The following ABCC8 variants were observed in gnomAD, a reference collection of about 807,000 sequenced individuals.
ABCC8 encodes the protein ATP-binding cassette sub-family C member 8.
ABCC8 carries 137 observed loss-of-function variants against 188.0 expected under a neutral mutation model. The ratio of observed to expected loss-of-function variants is 0.73; its 90% CI spans 0.63 to 0.84. The LOEUF is 0.84. ABCC8 is among the 40% of genes least tolerant of loss of function. ABCC8 has a pLI of 0.00. For missense variants in ABCC8, 1,750 were observed against 2,072.7 expected (o/e 0.84, Z 3.02); for synonymous variants, 797 against 846.5 (o/e 0.94, Z 1.01).
chr11:17,446,562 A>AGCCACCACACCC (rs1266479117), intron 8 of ABCC8, among the ~76,000 whole-genome samples: 1 of 152,184 alleles, frequency 6.6e-6, no homozygotes, highest in African/African-American at 2.4e-5. Context: ...TACAGGCATG[A>AGCCACCACACCC]GCCACCACAC....
intron 18 of ABCC8, among the ~76,000 whole-genome samples, 197 bp downstream of exon 18, chr11:17,415,107 G>A (rs1399602478): frequency 6.6e-6 from 1 of 151,176 alleles, no homozygotes; most frequent in Non-Finnish European, 1.5e-5. Flanking sequence ...ATGATCTTAT[G>A]TGAAGGGAGT....
chr11:17,430,953 C>T lies in ABCC8; in HGVS notation c.1678G>A (p.Val560Met), dbSNP rs4148619. ...TCTTTGAAGAAGCTGACGTGGCCCA[C>T]GAAAGTCTGTGGACAGAGGCACAAG... ...IPIAAVLITF[V>M]GHVSFFKEAD... Residue 560 changes from valine (V) to methionine (M), a missense_variant, in exon 12 of 39, where the codon GTG becomes ATG. By Grantham distance (21) the Val-to-Met change is conservative. Transcript: ENST00000389817. 560 of 1,614,080 alleles carry T rather than the reference C, an allele frequency of 3.5e-4. 1 individual carries two copies. The East Asian group carries it at 0.012, about 34-fold the overall frequency.
chr11:17,450,337 TTTC>T (rs1956749444), intron 7 of ABCC8, among the ~76,000 whole-genome samples: 10 of 145,238 alleles, frequency 6.9e-5, no homozygotes, highest in African/African-American at 1.3e-4. Context: ...TCTCTCTCTC[TTTC>T]CTTTCTTTCT....
Position 17,408,457 on chromosome 11 carries a change from A to G in ABCC8, c.2755T>C (p.Ser919Pro). Residue 919 changes from serine (S) to proline (P), a missense_variant, in exon 23 of 39, where the codon TCT becomes CCT. Physicochemically the swap from Ser to Pro is moderately conservative, Grantham distance 74 (BLOSUM62 -1). Transcript: ENST00000389817. ...REGTLKDFQR[S>P]ECQLFEHWKT... The stretch of plus-strand genomic sequence containing the variant: ...CAGTGCTCAAAGAGCTGGCATTCAG[A>G]CCTCTGGAAGTCCTTGAGGGTACCC... 1 of 1,613,508 alleles carries G rather than the reference A, an allele frequency of 6.2e-7. No individual in the cohort carries two copies. The highest frequency in any genetic ancestry group is 8.5e-7 in the Non-Finnish European group (1 of 1,179,946).
chr11:17,475,766 G>A (rs140391194), intron 1 of ABCC8, among the ~76,000 whole-genome samples: 1 of 152,204 alleles, frequency 6.6e-6, no homozygotes, highest in Non-Finnish European at 1.5e-5. Flanking sequence ...CTTCCCCAAA[G>A]CTGTATATGA....
chr11:17,448,622 ATGGACAGGTTGGAGG>A lies in ABCC8; in HGVS notation c.1211_1225del (p.Thr404_Ser408del). On this transcript the variant is annotated inframe_deletion, in exon 8 of 39. Coordinates refer to ENST00000389817, the MANE Select transcript of ABCC8 (RefSeq NM_000352.6). The stretch of plus-strand genomic sequence containing the variant: ...GATCTGTCCAGCAGTCATTTCTCCC[ATGGACAGGTTGGAGG>A]TGGACAGGTGCATAATTTTATTGTA... The A allele has an allele frequency of 6.2e-7, 1 of 1,614,188 alleles. No homozygotes were observed. The highest frequency in any genetic ancestry group is 2.2e-5 in the East Asian group (1 of 44,880).
chr11:17,407,547 T>C, intron 23 of ABCC8, 94 bp from the exon 24 acceptor site: 1 of 1,579,984 alleles, frequency 6.3e-7, no homozygotes. Flanking sequence ...TGATGACCAA[T>C]GTCAGATTTC....
chr11:17,393,298 T>C, intron 38 of ABCC8, 170 bp from the exon 39 acceptor site: 1 of 893,110 alleles, frequency 1.1e-6, no homozygotes, highest in Non-Finnish European at 1.7e-6. Context: ...GACTACAAGC[T>C]CTCCATCTGC....
intron 6 of ABCC8, among the ~76,000 whole-genome samples, chr11:17,454,209 A>AG (rs1283315978): frequency 1.3e-5 from 2 of 152,122 alleles, no homozygotes; most frequent in African/African-American, 4.8e-5. Context: ...AATCAGAATC[A>AG]GGCAGAGAGG....
chr11:17,427,313 C>A lies in ABCC8; in HGVS notation c.2117-159G>T, dbSNP rs185939269. ...AAGTCCTCTCCCTCTTTAATCCTTT[C>A]CTTCTGGAAATCAACATCCTCCTCT... is the stretch of plus-strand genomic sequence containing the variant. On this transcript the variant is annotated intron_variant, in intron 15 of 38. Transcript: ENST00000389817. This position sits in a 1 kb window ranked among gnomAD's most constrained non-coding sequence, Gnocchi z 5.0. 7.3e-4 allele frequency: 666 copies of A among 914,358 alleles called. No individual in the cohort carries two copies. The highest frequency in any genetic ancestry group is 8.5e-4 in the Non-Finnish European group (654 of 765,190). The allele number at this position is 914,358 out of a possible 1,614,324, so 56.6% of individuals were successfully genotyped here. A position where few individuals can be genotyped will look rare whatever the true frequency, so the allele number is the denominator to read the frequency against.
At chr11:17,432,176 C>T in intron 11 of ABCC8, 28 bp downstream of exon 11, 1 of 1,552,156 alleles carries the variant, frequency 6.4e-7, no homozygotes, top group East Asian at 2.4e-5. Flanking sequence ...CACCCTACCC[C>T]CAAGAGATGG....
At chr11:17,469,382 G>A (rs537561357) in intron 3 of ABCC8, among the ~76,000 whole-genome samples, 6 of 152,000 alleles carry the variant, frequency 3.9e-5, no homozygotes, top group African/African-American at 9.6e-5. Context: ...TGTGAGCCAC[G>A]GCAGCCAGCC....
intron 3 of ABCC8, among the ~76,000 whole-genome samples, chr11:17,466,849 A>G (rs1168314653): frequency 1.3e-5 from 2 of 151,920 alleles, no homozygotes; most frequent in East Asian, 1.9e-4. Context: ...TGTTTTTTGT[A>G]GAGACGGGGT....
intron 37 of ABCC8, 21 bp downstream of exon 37, chr11:17,394,245 A>G: frequency 1.2e-6 from 2 of 1,612,050 alleles, no homozygotes; most frequent in Non-Finnish European, 8.5e-7. Flanking sequence ...CCATGGTCCC[A>G]TGGAGGGGCC....
rs73423025 is a variant in ABCC8 at position 17,401,526 on chromosome 11, T to C, written c.3650+1135A>G. ...GACTTCAGGGGTTGGGGGGAGGAGATGTAAGCCTCTCTGGCCCTTGGCTGG... is the reference window on the plus strand; with the variant it reads ...GACTTCAGGGGTTGGGGGGAGGAGACGTAAGCCTCTCTGGCCCTTGGCTGG... On this transcript the variant is annotated intron_variant, in intron 29 of 38. Coordinates refer to ENST00000389817, the MANE Select transcript of ABCC8 (RefSeq NM_000352.6). 9.3e-3 allele frequency among the ~76,000 whole-genome samples: 1,410 copies of C among 152,224 alleles called. 22 individuals carry two copies. The highest frequency in any genetic ancestry group is 0.032 in the African/African-American group (1,314 of 41,512).
At chr11:17,450,300 TTCTTTCTTTCTTTCTTTCTTTCTTTC>T (rs1564959124) in intron 7 of ABCC8, among the ~76,000 whole-genome samples, 35 of 139,338 alleles carry the variant, frequency 2.5e-4, no homozygotes, top group African/African-American at 1.0e-3. Flanking sequence ...CTTTCTTTCT[TTCTTTCTTTCTTTCTTTCTTTCTTTC>T]TCTCTCTCTC....
intron 21 of ABCC8, 68 bp downstream of exon 21, chr11:17,412,598 A>T: frequency 6.5e-7 from 1 of 1,549,618 alleles, no homozygotes; most frequent in Non-Finnish European, 8.8e-7. Flanking sequence ...GGTTGCGGGG[A>T]GGTGGAGGTG....
chr11:17,425,789 A>G (rs1955553107), intron 16 of ABCC8, among the ~76,000 whole-genome samples: 1 of 152,032 alleles, frequency 6.6e-6, no homozygotes, highest in African/African-American at 2.4e-5. Flanking sequence ...GCACCCATCA[A>G]CCCTTCATCT....
In ABCC8 at chr11:17,428,409, G is replaced by C. The variant is rs763688900; in HGVS notation, c.1924-4C>G. On this transcript the variant is annotated splice_polypyrimidine_tract_variant and splice_region_variant and intron_variant, in intron 13 of 38. Transcript: ENST00000389817. ...TGCGGTTCACAACCCTGAGGGGCTG[G>C]GGGTGGTTTGGAGGTGAGGACCCAC... The C allele has an allele frequency of 6.2e-7, 1 of 1,612,316 alleles. No individual in the cohort carries two copies. Among genetic ancestry groups the C allele is most frequent in the Non-Finnish European group, 8.5e-7 (1 of 1,178,646 alleles).
Sources: allele counts gnomAD v4.1 joint callset (sites outside exome capture counted in the v4.1 genomes callset), GRCh38; gene constraint gnomAD v4.1.1; non-coding constraint Gnocchi (gnomAD v3.1); transcripts MANE v1.5; gene names NCBI Gene and HGNC (gene_info 2026-07-23, HGNC 2026-07-21).